The following THRB variants were observed in gnomAD, a reference collection of about 807,000 sequenced individuals.
The protein encoded by THRB is nuclear receptor subfamily 1 group A member 2.
Under a neutral mutation model 47.8 loss-of-function variants are expected in THRB, and 12 were observed. The ratio of observed to expected loss-of-function variants is 0.25; its 90% confidence interval spans 0.16 to 0.41. The LOEUF (loss-of-function observed/expected upper bound fraction) is 0.41, where lower values mean the gene tolerates loss of function less well. Among genes scored for constraint, THRB ranks in the 10% least tolerant of loss-of-function variants. The pLI is 1.00. For synonymous variants in THRB, 218 were observed against 212.2 expected (o/e 1.03, Z -0.24); for missense variants, 348 against 589.2 (o/e 0.59, Z 4.24).
intron 5 of THRB, among the ~76,000 whole-genome samples, chr3:24,157,661 C>G (rs1438971403): frequency 3.9e-5 from 6 of 152,114 alleles, no homozygotes; most frequent in Non-Finnish European, 8.8e-5. Context: ...TCCTGAGTAG[C>G]TGGGACTACA....
At chr3:24,243,075 A>G (rs1019899831) in intron 3 of THRB, among the ~76,000 whole-genome samples, 15 of 122,722 alleles carry the variant, frequency 1.2e-4, no homozygotes, top group Non-Finnish European at 1.4e-4. Context: ...TTTGAAAAAA[A>G]AAAAAAAAAA....
chr3:24,346,571 C>T (rs1275417723), intron 1 of THRB, among the ~76,000 whole-genome samples: 2 of 151,788 alleles, frequency 1.3e-5, no homozygotes, highest in Non-Finnish European at 2.9e-5. Context: ...AACTGAGACA[C>T]TTTTGATATT....
chr3:24,318,228 T>C (rs1328507019), intron 2 of THRB: 1 of 152,222 alleles, frequency 6.6e-6, no homozygotes, highest in Non-Finnish European at 1.5e-5. Flanking sequence ...GCAAAATATA[T>C]TTCACTTAAG....
intron 3 of THRB, among the ~76,000 whole-genome samples, chr3:24,257,518 A>G (rs1378999887): frequency 1.3e-5 from 2 of 152,248 alleles, no homozygotes; most frequent in African/African-American, 4.8e-5. Flanking sequence ...TAGACCTATA[A>G]TATCTGATGT....
At chr3:24,465,705 A>G (rs1017179542) in intron 1 of THRB, among the ~76,000 whole-genome samples, 4 of 152,112 alleles carry the variant, frequency 2.6e-5, no homozygotes, top group Non-Finnish European at 5.9e-5. Context: ...CACCCGGCCT[A>G]GAATTTTCCT....
At chr3:24,150,819 G>A (rs2036809934) in intron 6 of THRB, among the ~76,000 whole-genome samples, 1 of 152,196 alleles carries the variant, frequency 6.6e-6, no homozygotes, top group African/African-American at 2.4e-5. Context: ...TCTCAGTGCT[G>A]CAACTAAGGT....
At chr3:24,282,515 A>G (rs1308883971) in intron 3 of THRB, among the ~76,000 whole-genome samples, 1 of 57,682 alleles carries the variant, frequency 1.7e-5, no homozygotes, top group Non-Finnish European at 2.9e-5. Flanking sequence ...CTAACATCAC[A>G]ATTAAAAGAA....
intron 9 of THRB, among the ~76,000 whole-genome samples, chr3:24,131,973 C>G (rs371395141): frequency 6.4e-4 from 98 of 152,140 alleles, no homozygotes; most frequent in Non-Finnish European, 1.1e-3. Context: ...ATCTGTTTCC[C>G]GAAGCCCACT....
At chr3:24,367,366 C>A (rs2064550796) in intron 1 of THRB, among the ~76,000 whole-genome samples, 1 of 152,172 alleles carries the variant, frequency 6.6e-6, no homozygotes, top group Admixed American at 6.5e-5. Context: ...TTAGAAATTA[C>A]AGACAGGGTA....
rs1432603412 is a variant in THRB, at chr3:24,127,789, C to G, written c.886-32G>C. On this transcript the variant is annotated intron_variant, in intron 9 of 10. Coordinates refer to ENST00000646209, the MANE Select transcript of THRB (RefSeq NM_001354712.2). ...AGAACCAGTTCATGTCAGCAAAGAACAAATGCAAAAATGCCAGTCAGGAAC... is the reference window on the plus strand; with the variant it reads ...AGAACCAGTTCATGTCAGCAAAGAAGAAATGCAAAAATGCCAGTCAGGAAC... 10 of 1,613,882 alleles carry G rather than the reference C, an allele frequency of 6.2e-6. No homozygotes were observed. In the Admixed American group the frequency reaches 1.7e-4, roughly 27 times the overall value.
intron 1 of THRB, among the ~76,000 whole-genome samples, chr3:24,476,422 A>C (rs1452697206): frequency 6.6e-6 from 1 of 152,242 alleles, no homozygotes; most frequent in East Asian, 1.9e-4. Flanking sequence ...TAAATTTTTA[A>C]GGTATTGTTT....
At chr3:24,363,649 G>C (rs1357660876) in intron 1 of THRB, among the ~76,000 whole-genome samples, 1 of 152,136 alleles carries the variant, frequency 6.6e-6, no homozygotes, top group Admixed American at 6.6e-5. Flanking sequence ...AGATATATAA[G>C]CAGGAAACAT....
intron 1 of THRB, among the ~76,000 whole-genome samples, chr3:24,446,899 T>C (rs2072142986): frequency 6.6e-6 from 1 of 152,144 alleles, no homozygotes; most frequent in Non-Finnish European, 1.5e-5. Context: ...CCTGCAATAT[T>C]TGGGTGGGCC....
chr3:24,413,919 A>G (rs1334381520), intron 1 of THRB, among the ~76,000 whole-genome samples: 1 of 151,928 alleles, frequency 6.6e-6, no homozygotes, highest in Non-Finnish European at 1.5e-5. Flanking sequence ...GCAAGGACAG[A>G]AAACCAATTA....
In THRB at chr3:24,143,559, T is replaced by A. The variant is rs1195300658; in HGVS notation, c.680A>T (p.Glu227Val). The A allele has an allele frequency of 6.2e-7, 1 of 1,614,156 alleles. No homozygotes were observed. The highest frequency in any genetic ancestry group is 8.5e-7 in the Non-Finnish European group (1 of 1,180,026). ...EEWELIKTVT[E>V]AHVATNAQGS... is the part of the protein sequence containing the mutation. ...TTGGGCGTTGGTCGCCACATGGGCT[T>A]CGGTGACAGTTTTGATGAGCTCCCA... The change falls in exon 8 of 11, where the codon GAA (glutamate) becomes GTA (valine). Residue 227 changes from glutamate (E) to valine (V), a missense_variant. Physicochemically the swap from Glu to Val is moderately radical, Grantham distance 121. This residue lies in a region of THRB where 112 missense variants were observed against 212.3 expected (regional missense o/e 0.53). Coordinates refer to ENST00000646209, the MANE Select transcript of THRB (RefSeq NM_001354712.2).
At chr3:24,273,493 C>T (rs1355334782) in intron 3 of THRB, among the ~76,000 whole-genome samples, 1 of 151,986 alleles carries the variant, frequency 6.6e-6, no homozygotes, top group East Asian at 1.9e-4. Context: ...AAGAGTGGTC[C>T]CTGCTCCACA....
chr3:24,246,847 G>A (rs2050157008), intron 3 of THRB, among the ~76,000 whole-genome samples: 1 of 152,166 alleles, frequency 6.6e-6, no homozygotes, highest in Non-Finnish European at 1.5e-5. Flanking sequence ...TTTTGTACAT[G>A]AAAAGGAAAG....
chr3:24,286,640 C>T (rs191801419), intron 3 of THRB, among the ~76,000 whole-genome samples: 4 of 152,220 alleles, frequency 2.6e-5, no homozygotes, highest in East Asian at 1.9e-4. Context: ...AATTCAAGCT[C>T]GACGCATTTC....
intron 1 of THRB, among the ~76,000 whole-genome samples, chr3:24,450,409 AGT>A (rs2072535529): frequency 1.3e-5 from 2 of 152,334 alleles, no homozygotes; most frequent in South Asian, 4.1e-4. Flanking sequence ...TTTACTTACG[AGT>A]GTCAAAGTCT....
Sources: allele counts gnomAD v4.1 joint callset (sites outside exome capture counted in the v4.1 genomes callset), GRCh38; gene constraint gnomAD v4.1.1; regional missense constraint gnomAD v4.1.1; transcripts MANE v1.5; gene names NCBI Gene and HGNC (gene_info 2026-07-23, HGNC 2026-07-21).